TNFSF9: variants seen among roughly 807,000 people sequenced by gnomAD.
The protein encoded by TNFSF9 is tumor necrosis factor ligand superfamily member 9.
A neutral mutation model predicts 10.3 loss-of-function variants in TNFSF9; 10 were observed. The observed-to-expected ratio is 0.97, with a 90% CI of 0.60 to 1.65. The LOEUF (loss-of-function observed/expected upper bound fraction) is 1.65, where lower values mean the gene tolerates loss of function less well. TNFSF9 is among the 40% of genes most tolerant of loss of function. The pLI is 0.00. For synonymous variants in TNFSF9, 195 were observed against 176.1 expected (o/e 1.11, Z -0.85); for missense variants, 361 against 348.9 (o/e 1.03, Z -0.28).
At chr19:6,532,074 T>C (rs1289056526) in intron 1 of TNFSF9, among the ~76,000 whole-genome samples, 1 of 152,106 alleles carries the variant, frequency 6.6e-6, no homozygotes, top group East Asian at 1.9e-4. Flanking sequence ...TTCCTCTTTA[T>C]CTGGGACCGC....
rs781687917 is a variant in TNFSF9 at position 6,534,708 on chromosome 19, C to T, written c.407C>T (p.Ala136Val). ...YKEDTKELVV[A>V]KAGVYYVFFQ... ...GAGGACACGAAGGAGCTGGTGGTGG[C>T]CAAGGCTGGAGTCTACTATGTCTTC... The change falls in exon 3 of 3, where the codon GCC becomes GTC. Residue 136 changes from alanine (A) to valine (V), a missense_variant. Coordinates refer to ENST00000245817, the MANE Select transcript of TNFSF9 (RefSeq NM_003811.4). The T allele has an allele frequency of 3.1e-6, 5 of 1,595,700 alleles. No homozygotes were observed. The highest frequency in any genetic ancestry group is 1.8e-5 in the Admixed American group (1 of 56,958).
At position 6,535,183 on chromosome 19, in the gene TNFSF9, C is replaced by G; in HGVS notation, c.*117C>G. 1 of 1,184,288 alleles carries G rather than the reference C, an allele frequency of 8.4e-7. No individual in the cohort carries two copies. The allele number at this position is 1,184,288 out of a possible 1,614,324, so 73.4% of individuals were successfully genotyped here. On this transcript the variant is annotated 3_prime_UTR_variant, in exon 3 of 3. Coordinates refer to ENST00000245817, the MANE Select transcript of TNFSF9 (RefSeq NM_003811.4). ...CTACCTCAAGGGGCTTGGCAGGGGT[C>G]CCTGCTGCTGACCTCCCCTTGAGGA... is the stretch of plus-strand genomic sequence containing the variant.
chr19:6,531,563 C>A (rs772775245), intron 1 of TNFSF9, among the ~76,000 whole-genome samples: 1 of 151,866 alleles, frequency 6.6e-6, no homozygotes, highest in Non-Finnish European at 1.5e-5. Flanking sequence ...TTTTTGGACC[C>A]CCCAAGGGTC....
At chr19:6,534,530 C>T (rs1053815080) in intron 2 of TNFSF9, 70 bp from the exon 3 acceptor site, 22 of 1,357,740 alleles carry the variant, frequency 1.6e-5, no homozygotes, top group South Asian at 1.1e-4. Context: ...CTGACATGTT[C>T]GGTGCTCAGC....
chr19:6,531,183 C>T lies in TNFSF9; in HGVS notation c.147C>T (p.Leu49=). 2 of 1,587,008 alleles carry T rather than the reference C, an allele frequency of 1.3e-6. No homozygotes were observed. Among genetic ancestry groups the T allele is most frequent in the Non-Finnish European group, 1.7e-6 (2 of 1,166,990 alleles). ...TCGCTGCCGCCTGCGCCGTCTTCCT[C>T]GCCTGCCCCTGGGCCGTGTCCGGGG... The part of the protein sequence containing the change: ...LLLAAACAVF[L]ACPWAVSGAR... The change falls in exon 1 of 3, where the codon CTC becomes CTT. Residue 49 remains leucine, a synonymous_variant. Coordinates refer to ENST00000245817, the MANE Select transcript of TNFSF9 (RefSeq NM_003811.4).
At position 6,532,673 on chromosome 19, in the gene TNFSF9, A is replaced by T. The variant is rs1568420251; in HGVS notation, c.268-113A>T. The stretch of plus-strand genomic sequence containing the variant: ...TTTAGTTGGGAGGGAAGGGAAGCGT[A>T]GGCTTCAGGTCGGCACAGACTCTGG... On this transcript the variant is annotated intron_variant, in intron 1 of 2. Transcript: ENST00000245817. The T allele has an allele frequency of 3.5e-6, 5 of 1,429,926 alleles. No individual in the cohort carries two copies. The Admixed American group carries it at 6.9e-5, about 20-fold the overall frequency. 88.6% of individuals were successfully genotyped at this position (1,429,926 alleles called of 1,614,324 possible). A position where few individuals can be genotyped will look rare whatever the true frequency, so the allele number is the denominator to read the frequency against.
At chr19:6,533,316 AC>A (rs1471928712) in intron 2 of TNFSF9, among the ~76,000 whole-genome samples, 1 of 60,046 alleles carries the variant, frequency 1.7e-5, no homozygotes, top group Non-Finnish European at 3.2e-5. Context: ...CCTTCCCCAA[AC>A]CCTCCCCAGC....
intron 1 of TNFSF9, among the ~76,000 whole-genome samples, chr19:6,532,345 G>C (rs1445353875): frequency 2.0e-5 from 3 of 150,676 alleles, no homozygotes; most frequent in Non-Finnish European, 4.4e-5. Context: ...GTTCGTGTGG[G>C]GGTGCGTATG....
rs1243264603 is a variant in TNFSF9 at position 6,531,425 on chromosome 19, G to A, written c.267+122G>A. On this transcript the variant is annotated intron_variant, in intron 1 of 2. Transcript: ENST00000245817. ...GTTCTACACTCCCGGCCGGGGAGAG[G>A]AGACCCACCGGGGCTCCCATTCTCC... The A allele has an allele frequency of 3.8e-6, 5 of 1,315,010 alleles. No individual in the cohort carries two copies. In the African/African-American group the frequency reaches 6.2e-5, roughly 16 times the overall value. The allele number at this position is 1,315,010 out of a possible 1,614,324, so 81.5% of individuals were successfully genotyped here.
chr19:6,535,364 G>C lies in TNFSF9; in HGVS notation c.*298G>C, dbSNP rs972329970. Reference sequence around the variant, plus strand: ...ACTTTTTTAGAGGAGTTGTTTTGGGGGGGGGGGGGTCTTCGACATTGCCGA... The same window carrying C: ...ACTTTTTTAGAGGAGTTGTTTTGGGCGGGGGGGGGTCTTCGACATTGCCGA... On this transcript the variant is annotated 3_prime_UTR_variant, in exon 3 of 3. Coordinates refer to ENST00000245817, the MANE Select transcript of TNFSF9 (RefSeq NM_003811.4). The C allele has an allele frequency of 1.2e-4, 3 of 24,578 alleles. No individual in the cohort carries two copies. The highest frequency in any genetic ancestry group is 2.5e-4 in the Non-Finnish European group (3 of 11,816). The allele number at this position is 24,578 out of a possible 1,614,324, so 1.5% of individuals were successfully genotyped here.
In TNFSF9 at chr19:6,535,023, C is replaced by T. The variant is rs1915238862; in HGVS notation, c.722C>T (p.Thr241Ile). Residue 241 changes from threonine to isoleucine, a missense_variant, in exon 3 of 3, where the codon ACC becomes ATC. By Grantham distance (89) the Thr-to-Ile change is moderately conservative. Coordinates refer to ENST00000245817, the MANE Select transcript of TNFSF9 (RefSeq NM_003811.4). Reference sequence around the variant, plus strand: ...ACAGTCTTGGGACTCTTCCGGGTGACCCCCGAAATCCCAGCCGGACTCCCT... The same window carrying T: ...ACAGTCTTGGGACTCTTCCGGGTGATCCCCGAAATCCCAGCCGGACTCCCT... ...GATVLGLFRV[T>I]PEIPAGLPSP... 26 of 1,586,120 alleles carry T rather than the reference C, an allele frequency of 1.6e-5. No homozygotes were observed. The highest frequency in any genetic ancestry group is 2.3e-5 in the East Asian group (1 of 44,430).
At chr19:6,532,533 GTGTT>G (rs1000491087) in intron 1 of TNFSF9, among the ~76,000 whole-genome samples, 17 of 151,558 alleles carry the variant, frequency 1.1e-4, no homozygotes, top group African/African-American at 3.6e-4. Flanking sequence ...GTTCGTGTGT[GTGTT>G]CGTGTTTGTT....
chr19:6,535,418 G>A lies in TNFSF9; in HGVS notation c.*352G>A, dbSNP rs939104983. ...TGGTCTTGAACTCCTGGACTTAGAC[G>A]ATCCTCCTGCCTCAGCCTCCCAAGC... On this transcript the variant is annotated 3_prime_UTR_variant, in exon 3 of 3. Transcript: ENST00000245817. 2 of 149,922 alleles carry A rather than the reference G, an allele frequency of 1.3e-5. No homozygotes were observed. Among genetic ancestry groups the A allele is most frequent in the East Asian group, 2.0e-4 (1 of 5,056 alleles). The allele number at this position is 149,922 out of a possible 1,614,324, so 9.3% of individuals were successfully genotyped here. A position where few individuals can be genotyped will look rare whatever the true frequency, so the allele number is the denominator to read the frequency against.
intron 1 of TNFSF9, among the ~76,000 whole-genome samples, chr19:6,532,296 T>TTCGTGTGTGTTC (rs1555758721): frequency 6.8e-6 from 1 of 146,054 alleles, no homozygotes; most frequent in African/African-American, 2.7e-5. Flanking sequence ...TGTGTGTGTG[T>TTCGTGTGTGTTC]GTTCGTGTTT....
intron 2 of TNFSF9, among the ~76,000 whole-genome samples, chr19:6,534,370 TCCCGCCC>T (rs1352414815): frequency 7.1e-6 from 1 of 140,238 alleles, no homozygotes; most frequent in Non-Finnish European, 1.5e-5. Flanking sequence ...CTGCTCAGAG[TCCCGCCC>T]CCAACAACCT....
At position 6,531,087 on chromosome 19, in the gene TNFSF9, C is replaced by T. The variant is rs776173550; in HGVS notation, c.51C>T (p.Pro17=). Residue 17 remains proline (P), a synonymous_variant, in exon 1 of 3, where the codon CCC becomes CCT. Coordinates refer to ENST00000245817, the MANE Select transcript of TNFSF9 (RefSeq NM_003811.4). The part of the protein sequence containing the change: ...ASLDPEAPWP[P]APRARACRVL... ...TGGACCCCGAAGCCCCGTGGCCTCC[C>T]GCGCCCCGCGCTCGCGCCTGCCGCG... The T allele has an allele frequency of 1.2e-6, 2 of 1,610,838 alleles. No individual in the cohort carries two copies.
At chr19:6,531,688 C>T (rs1175060834) in intron 1 of TNFSF9, among the ~76,000 whole-genome samples, 2 of 151,836 alleles carry the variant, frequency 1.3e-5, no homozygotes, top group African/African-American at 2.4e-5. Flanking sequence ...CCTCCAAGGG[C>T]TCTCCTTCTC....
At chr19:6,532,299 T>TGTGTG (rs1491291966) in intron 1 of TNFSF9, among the ~76,000 whole-genome samples, 6 of 81,888 alleles carry the variant, frequency 7.3e-5, no homozygotes, top group African/African-American at 3.6e-4. Flanking sequence ...GTGTGTGTGT[T>TGTGTG]CGTGTTTGTG....
chr19:6,532,932 C>A (rs534618834), intron 2 of TNFSF9, 116 bp downstream of exon 2: 37 of 1,444,386 alleles, frequency 2.6e-5, no homozygotes, highest in Non-Finnish European at 5.8e-6. Flanking sequence ...GACCCTTGAC[C>A]GCTGCTGTCT....
Sources: allele counts gnomAD v4.1 joint callset (sites outside exome capture counted in the v4.1 genomes callset), GRCh38; gene constraint gnomAD v4.1.1; transcripts MANE v1.5; gene names NCBI Gene and HGNC (gene_info 2026-07-23, HGNC 2026-07-21).